Variants in CPA5 observed in about 807,000 individuals in gnomAD.
CPA5 encodes the protein testicular tissue protein Li 32.
Under a neutral mutation model 52.2 loss-of-function variants are expected in CPA5, and 38 were observed. That is an observed-to-expected ratio of 0.73 (90% CI 0.56 to 0.95). CPA5 has a LOEUF of 0.95. CPA5 is among the 40% of genes least tolerant of loss of function. The probability of loss-of-function intolerance (pLI) is 0.00; values close to 1 mark genes in which losing one functional copy is unlikely to be tolerated. For missense variants in CPA5, 519 were observed against 566.7 expected, an observed-to-expected ratio of 0.92 and a Z score of 0.86; for synonymous variants, 198 against 213.7, an observed-to-expected ratio of 0.93 and a Z score of 0.64.
rs781902984 is a variant in CPA5, at chr7:130,350,123, C to T, written c.333+14C>T. On this transcript the variant is annotated intron_variant, in intron 5 of 12. Transcript: ENST00000474905. ...AAGGACATCCAGGTGAAGCCCTGCC[C>T]CAGCTGGGACCCTGCCTTCCGCCTT... The T allele has an allele frequency of 4.4e-6, 7 of 1,604,562 alleles. No individual in the cohort carries two copies. The Admixed American group carries it at 1.0e-4, about 23-fold the overall frequency.
chr7:130,354,131 T>C (rs1411664574), intron 5 of CPA5, among the ~76,000 whole-genome samples: 1 of 152,152 alleles, frequency 6.6e-6, no homozygotes, highest in Non-Finnish European at 1.5e-5. Context: ...TCTGATTATG[T>C]TGCCCAGGCT....
At chr7:130,363,741 C>T (rs573167213) in intron 10 of CPA5, among the ~76,000 whole-genome samples, 10 of 152,204 alleles carry the variant, frequency 6.6e-5, no homozygotes, top group East Asian at 1.9e-4. Context: ...CAAACCTTCA[C>T]GGGAAACAGT....
At chr7:130,369,355 G>T (rs1796264146), downstream of CPA5, among the ~76,000 whole-genome samples, 1 of 152,174 alleles carries the variant, frequency 6.6e-6, no homozygotes, top group Non-Finnish European at 1.5e-5. Flanking sequence ...AGTTAAAGGG[G>T]CACTCGTGAG....
intron 4 of CPA5, among the ~76,000 whole-genome samples, chr7:130,349,229 T>A (rs139171822): frequency 0.017 from 2,559 of 152,170 alleles, 32 homozygotes; most frequent in Non-Finnish European, 0.026. Context: ...GGTCGGGAGT[T>A]CAAGACCAGC....
chr7:130,362,872 T>A lies in CPA5; in HGVS notation c.637-12T>A, dbSNP rs547872511. The A allele has an allele frequency of 6.3e-7, 1 of 1,585,860 alleles. No homozygotes were observed. The highest frequency in any genetic ancestry group is 1.1e-5 in the South Asian group (1 of 90,290). On this transcript the variant is annotated splice_polypyrimidine_tract_variant and intron_variant, in intron 8 of 12. Coordinates refer to ENST00000474905, the MANE Select transcript of CPA5 (RefSeq NM_080385.5). ...AGTAGGGCCTCCCATCCCTCCTCAC[T>A]CTTTCTTGCAGATTGTCAGTGATTA...
intron 10 of CPA5, among the ~76,000 whole-genome samples, chr7:130,364,236 A>C (rs546906308): frequency 6.6e-6 from 1 of 152,240 alleles, no homozygotes; most frequent in East Asian, 1.9e-4. Flanking sequence ...TCCATTGCCC[A>C]GGCTGGAGTG....
chr7:130,347,748 CT>C lies in CPA5; in HGVS notation c.117-17del. The C allele has an allele frequency of 6.2e-7, 1 of 1,607,740 alleles. No individual in the cohort carries two copies. The highest frequency in any genetic ancestry group is 8.5e-7 in the Non-Finnish European group (1 of 1,174,292). The stretch of plus-strand genomic sequence containing the variant: ...TCCTTCTCCGCAGCTTCCTCCGCCC[CT>C]CCCTGTGTTTTTCTAGGGACCAGGT... On this transcript the variant is annotated splice_polypyrimidine_tract_variant and intron_variant, in intron 3 of 12. Transcript: ENST00000474905.
In CPA5 at chr7:130,367,892, A is replaced by G. The variant is rs782235153; in HGVS notation, c.1039-14A>G. ...GGAGCCCCTGCCTTTCACCCCGCCA[A>G]TGTCATCTTGCAGTACGATCTTGCC... On this transcript the variant is annotated splice_polypyrimidine_tract_variant and intron_variant, in intron 11 of 12. Transcript: ENST00000474905. The G allele has an allele frequency of 1.2e-6, 2 of 1,613,244 alleles. No individual in the cohort carries two copies. The highest frequency in any genetic ancestry group is 1.3e-5 in the African/African-American group (1 of 74,902).
intron 12 of CPA5, among the ~76,000 whole-genome samples, 166 bp downstream of exon 12, chr7:130,368,156 A>G (rs192819619): frequency 4.7e-4 from 72 of 152,380 alleles, no homozygotes; most frequent in African/African-American, 1.7e-3. Flanking sequence ...TTTTGTGCAC[A>G]GCTCCCAGTG....
intron 10 of CPA5, among the ~76,000 whole-genome samples, chr7:130,366,639 G>A (rs1554408497): frequency 6.6e-6 from 1 of 152,156 alleles, no homozygotes. Context: ...GGCAACTATG[G>A]GGAACTATTC....
downstream of CPA5, among the ~76,000 whole-genome samples, chr7:130,369,729 C>T (rs1306725866): frequency 2.6e-5 from 4 of 152,092 alleles, no homozygotes; most frequent in African/African-American, 4.8e-5. Context: ...GAGCCAACCC[C>T]TGGAGGGCAC....
At position 130,367,502 on chromosome 7, in the gene CPA5, C is replaced by T; in HGVS notation, c.969C>T (p.His323=). Residue 323 remains histidine (H), a synonymous_variant, in exon 11 of 13, where the codon CAC becomes CAT. Transcript: ENST00000474905. ...ACTTCAAGGCTCTGATCTCCATCCACAGCTACTCTCAGATGCTTATGTACC... is the reference window on the plus strand; with the variant it reads ...ACTTCAAGGCTCTGATCTCCATCCATAGCTACTCTCAGATGCTTATGTACC... ...HGNFKALISI[H]SYSQMLMYPY... 1 of 1,614,180 alleles carries T rather than the reference C, an allele frequency of 6.2e-7. No individual in the cohort carries two copies. Among genetic ancestry groups the T allele is most frequent in the Admixed American group, 1.7e-5 (1 of 60,014 alleles).
chr7:130,364,793 T>C (rs1795983808), intron 10 of CPA5, among the ~76,000 whole-genome samples: 1 of 152,176 alleles, frequency 6.6e-6, no homozygotes, highest in African/African-American at 2.4e-5. Flanking sequence ...TCCCTGATTA[T>C]CTCCCTAACC....
Position 130,368,452 on chromosome 7 carries a change from G to T in CPA5, c.1166G>T (p.Gly389Val). 6.2e-7 allele frequency: 1 copy of T among 1,614,152 alleles called. No homozygotes were observed. Among genetic ancestry groups the T allele is most frequent in the Non-Finnish European group, 8.5e-7 (1 of 1,180,022 alleles). Residue 389 changes from glycine to valine, a missense_variant, in exon 13 of 13, where the codon GGC becomes GTC. Coordinates refer to ENST00000474905, the MANE Select transcript of CPA5 (RefSeq NM_080385.5). ...ACCGTCGACTGGGCCTATGACAGTG[G>T]CATCAAGTACGCCTTCAGCTTTGAG... ...GITVDWAYDS[G>V]IKYAFSFELR...
intron 4 of CPA5, among the ~76,000 whole-genome samples, chr7:130,348,058 T>C (rs6965972): frequency 0.027 from 4,062 of 152,294 alleles, 60 homozygotes; most frequent in African/African-American, 0.036. Context: ...TCTGTGTCTC[T>C]TCTAGCCACC....
In CPA5 at chr7:130,347,829, G is replaced by A. The variant is rs1554402736; in HGVS notation, c.180G>A (p.Glu60=). The change falls in exon 4 of 13, where the codon GAG becomes GAA. Residue 60 remains glutamate (E), a synonymous_variant. Coordinates refer to ENST00000474905, the MANE Select transcript of CPA5 (RefSeq NM_080385.5). ...AGCTTTCACTTCTCGGGGATCTGGA[G>A]GGCCTGAAACCCCAGAAGGTGAGGA... The part of the protein sequence containing the change: ...EKQLSLLGDL[E]GLKPQKVDFW... The A allele has an allele frequency of 6.2e-7, 1 of 1,614,022 alleles. No homozygotes were observed. Among genetic ancestry groups the A allele is most frequent in the Non-Finnish European group, 8.5e-7 (1 of 1,179,966 alleles).
the CPA5 span, among the ~76,000 whole-genome samples, chr7:130,374,093 G>C: frequency 1.8e-4 from 28 of 152,138 alleles, no homozygotes; most frequent in African/African-American, 6.5e-4. Flanking sequence ...GTTGGGACAC[G>C]GGCCGGCTGT....
intron 5 of CPA5, among the ~76,000 whole-genome samples, chr7:130,356,347 G>T (rs1304716194): frequency 6.6e-6 from 1 of 152,202 alleles, no homozygotes; most frequent in Non-Finnish European, 1.5e-5. Context: ...TCAGGTTATG[G>T]CTTCCAGGGA....
chr7:130,355,547 C>A (rs111891382), intron 5 of CPA5, among the ~76,000 whole-genome samples: 1 of 152,106 alleles, frequency 6.6e-6, no homozygotes, highest in African/African-American at 2.4e-5. Context: ...GCTGGGCTTA[C>A]AGGCGCGCGC....
Sources: gnomAD v4.1 joint callset for allele counts (sites outside exome capture counted in the v4.1 genomes callset) on GRCh38, gnomAD v4.1.1 for gene constraint, MANE v1.5 for transcripts, NCBI Gene and HGNC (gene_info 2026-07-23, HGNC 2026-07-21) for gene names.